LRRC37A3: variants seen among roughly 807,000 people sequenced by gnomAD.
LRRC37A3 encodes leucine-rich repeat-containing protein 37A3.
A neutral mutation model predicts 106.2 loss-of-function variants in LRRC37A3; 25 were observed. The observed-to-expected ratio is 0.24, with a 90% CI of 0.17 to 0.33. The LOEUF (loss-of-function observed/expected upper bound fraction) is 0.33. LRRC37A3 is among the 10% of genes least tolerant of loss of function. The pLI is 1.00. For missense variants in LRRC37A3, 712 were observed against 1,644.9 expected (o/e 0.43, Z 9.81); for synonymous variants, 305 against 635.8 (o/e 0.48, Z 7.83).
chr17:64,872,345 T>C (rs1246298451), intron 8 of LRRC37A3, among the ~76,000 whole-genome samples: 2 of 152,112 alleles, frequency 1.3e-5, no homozygotes, highest in Non-Finnish European at 2.9e-5. Context: ...TTGTGTTAAC[T>C]TGCCTTAGAC....
At chr17:64,866,607 TA>T (rs1973093688) in intron 10 of LRRC37A3, among the ~76,000 whole-genome samples, 1 of 19,150 alleles carries the variant, frequency 5.2e-5, no homozygotes, top group Non-Finnish European at 8.5e-5. Flanking sequence ...TATATATATA[TA>T]TATATATATA....
rs1255258987 is a variant in LRRC37A3 at position 64,872,483 on chromosome 17, T to C, written c.2907-3317A>G. On this transcript the variant is annotated intron_variant, in intron 8 of 14. Coordinates refer to ENST00000584306, the MANE Select transcript of LRRC37A3 (RefSeq NM_199340.5). Reference sequence around the variant, plus strand: ...GTTAACTGTCATGATGTCATCTGTCTGGTGGTTCCCTGGAAGACCTCATTT... The same window carrying C: ...GTTAACTGTCATGATGTCATCTGTCCGGTGGTTCCCTGGAAGACCTCATTT... Among the ~76,000 whole-genome samples the C allele has an allele frequency of 2.0e-5, 3 of 152,332 alleles. No homozygotes were observed. The East Asian group carries it at 5.8e-4, about 29-fold the overall frequency.
chr17:64,854,703 C>T, intron 14 of LRRC37A3, 59 bp from the exon 15 acceptor site: 3 of 1,612,224 alleles, frequency 1.9e-6, no homozygotes, highest in Non-Finnish European at 1.7e-6. Context: ...TTAAGCTTCT[C>T]ACCCCCTCCT....
intron 13 of LRRC37A3, among the ~76,000 whole-genome samples, chr17:64,856,329 A>C (rs1972678124): frequency 6.6e-6 from 1 of 151,220 alleles, no homozygotes; most frequent in Non-Finnish European, 1.5e-5. Context: ...TGATCCGCCC[A>C]CCTCAGCCTC....
In LRRC37A3 at chr17:64,905,029, C is replaced by CAATTTATTAAATA. The variant is rs1236511087; in HGVS notation, c.-495-6583_-495-6571dup. Among the ~76,000 whole-genome samples the CAATTTATTAAATA allele has an allele frequency of 2.2e-3, 327 of 150,788 alleles. 2 individuals carry two copies. The highest frequency in any genetic ancestry group is 7.7e-3 in the African/African-American group (313 of 40,606). On this transcript the variant is annotated intron_variant, in intron 2 of 14. Coordinates refer to ENST00000584306, the MANE Select transcript of LRRC37A3 (RefSeq NM_199340.5). ...TCTCAAAATTAGTTAATTAATAAAT[C>CAATTTATTAAATA]AATTTATTAAATAAATTTATTAATT...
chr17:64,854,884 C>G (rs1972622595), intron 14 of LRRC37A3, among the ~76,000 whole-genome samples: 1 of 152,230 alleles, frequency 6.6e-6, no homozygotes, highest in East Asian at 1.9e-4. Flanking sequence ...ATTCCCCAGG[C>G]TGGAGTGCAA....
At chr17:64,875,278 A>C (rs1168460498) in intron 8 of LRRC37A3, among the ~76,000 whole-genome samples, 1 of 151,978 alleles carries the variant, frequency 6.6e-6, no homozygotes, top group Non-Finnish European at 1.5e-5. Flanking sequence ...GACCCTGTCT[A>C]AAAACAAAGC....
intron 10 of LRRC37A3, among the ~76,000 whole-genome samples, chr17:64,864,298 T>C (rs1490069216): frequency 2.0e-5 from 3 of 152,164 alleles, no homozygotes; most frequent in African/African-American, 7.2e-5. Context: ...ATCCAGATTG[T>C]GGGACAATTT....
intron 4 of LRRC37A3, among the ~76,000 whole-genome samples, chr17:64,893,894 C>T (rs1395079502): frequency 6.7e-5 from 10 of 148,616 alleles, no homozygotes; most frequent in South Asian, 2.1e-4. Context: ...CCTCGTGATC[C>T]GCCCGCCTCG....
chr17:64,919,059 C>A (rs901041933), intron 1 of LRRC37A3, among the ~76,000 whole-genome samples, 189 bp from the exon 2 acceptor site: 5 of 151,884 alleles, frequency 3.3e-5, no homozygotes, highest in African/African-American at 7.2e-5. Flanking sequence ...TGCTGCCCCC[C>A]CTGGGCGAGC....
At chr17:64,911,244 G>T (rs1974583794) in intron 2 of LRRC37A3, among the ~76,000 whole-genome samples, 1 of 142,682 alleles carries the variant, frequency 7.0e-6, no homozygotes, top group Non-Finnish European at 1.5e-5. Context: ...TATTACCACT[G>T]GTATAATTTT....
At chr17:64,887,462 T>A (rs866442567) in intron 6 of LRRC37A3, among the ~76,000 whole-genome samples, 2 of 50,020 alleles carry the variant, frequency 4.0e-5, no homozygotes, top group Non-Finnish European at 7.6e-5. Context: ...GAGCCAAGAT[T>A]GCACCACTGC....
At chr17:64,867,504 G>T (rs1422727921) in intron 10 of LRRC37A3, among the ~76,000 whole-genome samples, 1 of 152,154 alleles carries the variant, frequency 6.6e-6, no homozygotes, top group Non-Finnish European at 1.5e-5. Flanking sequence ...GTCCACAGAT[G>T]CTGAGGTCTT....
chr17:64,861,437 C>T (rs928516719), intron 11 of LRRC37A3, among the ~76,000 whole-genome samples: 4 of 152,182 alleles, frequency 2.6e-5, no homozygotes, highest in South Asian at 2.1e-4. Context: ...CAATGAAAGG[C>T]GGTCCTCTGA....
intron 8 of LRRC37A3, among the ~76,000 whole-genome samples, chr17:64,880,429 A>G (rs548269913): frequency 1.3e-5 from 2 of 152,236 alleles, no homozygotes; most frequent in Admixed American, 6.5e-5. Context: ...GATTAAAGGC[A>G]TGAGCCAGCG....
At chr17:64,870,952 G>A (rs891628962) in intron 8 of LRRC37A3, among the ~76,000 whole-genome samples, 47 of 149,102 alleles carry the variant, frequency 3.2e-4, no homozygotes, top group Non-Finnish European at 4.9e-4. Context: ...TCACTGCAAC[G>A]TCCTCTTCCC....
At chr17:64,888,140 TG>T (rs2143533616) in intron 6 of LRRC37A3, among the ~76,000 whole-genome samples, 1 of 85,160 alleles carries the variant, frequency 1.2e-5, no homozygotes, top group Admixed American at 1.2e-4. Flanking sequence ...TCTCCCTTCT[TG>T]TACTCTACGG....
chr17:64,874,577 G>A (rs1299597574), intron 8 of LRRC37A3, among the ~76,000 whole-genome samples: 16 of 152,290 alleles, frequency 1.1e-4, no homozygotes, highest in East Asian at 1.9e-4. Context: ...CTGCCCGGCC[G>A]CCACCCCATC....
chr17:64,917,101 C>A (rs1420395768), intron 2 of LRRC37A3, among the ~76,000 whole-genome samples: 1 of 151,634 alleles, frequency 6.6e-6, no homozygotes, highest in Non-Finnish European at 1.5e-5. Context: ...CAAAAATTAG[C>A]CGGGCGTGGT....
Sources: allele counts gnomAD v4.1 joint callset (sites outside exome capture counted in the v4.1 genomes callset), GRCh38; gene constraint gnomAD v4.1.1; transcripts MANE v1.5; gene names NCBI Gene and HGNC (gene_info 2026-07-23, HGNC 2026-07-21).